SI: variants seen among roughly 807,000 people sequenced by gnomAD.
The protein encoded by SI is sucrase-isomaltase, intestinal.
SI carries 235 observed loss-of-function variants against 253.3 expected under a neutral mutation model. The ratio of observed to expected loss-of-function variants is 0.93; its 90% CI spans 0.83 to 1.03. The LOEUF is 1.03. SI is among the 50% of genes least tolerant of loss of function. SI has a pLI of 0.00. For synonymous variants in SI, 819 were observed against 712.0 expected (o/e 1.15, Z -2.39); for missense variants, 2,442 against 2,211.1 (o/e 1.10, Z -2.09).
At chr3:165,012,942 T>C in intron 34 of SI, 38 bp downstream of exon 34, 1 of 1,285,396 alleles carries the variant, frequency 7.8e-7, no homozygotes. Flanking sequence ...AAGTTTTGAA[T>C]TTCTTCTCAT....
At chr3:165,063,368 G>A (rs549746116) in intron 8 of SI, 74 bp downstream of exon 8, 2 of 721,690 alleles carry the variant, frequency 2.8e-6, no homozygotes, top group Non-Finnish European at 5.0e-6. Context: ...CAATATGAAT[G>A]ATTGAAATAA....
the SI span, among the ~76,000 whole-genome samples, chr3:165,084,132 T>C: frequency 6.6e-6 from 1 of 152,048 alleles, no homozygotes; most frequent in Non-Finnish European, 1.5e-5. Flanking sequence ...AGTGCTTTTC[T>C]ATAAAAAAGG....
At chr3:165,077,607 C>T (rs1715085460) in intron 1 of SI, among the ~76,000 whole-genome samples, 1 of 151,540 alleles carries the variant, frequency 6.6e-6, no homozygotes, top group South Asian at 2.1e-4. Context: ...CAACAGGTAA[C>T]ATACAAAGCT....
intron 26 of SI, among the ~76,000 whole-genome samples, chr3:165,021,765 C>T (rs961035066): frequency 6.6e-6 from 1 of 151,384 alleles, no homozygotes; most frequent in South Asian, 2.1e-4. Flanking sequence ...AACCCTAATG[C>T]TAATTTATGT....
chr3:164,995,114 G>T (rs990456308), intron 40 of SI, among the ~76,000 whole-genome samples: 1 of 151,712 alleles, frequency 6.6e-6, no homozygotes. Flanking sequence ...CACAAAGCTC[G>T]AGGTAACATT....
chr3:165,083,763 C>A, the SI span, among the ~76,000 whole-genome samples: 3 of 151,684 alleles, frequency 2.0e-5, no homozygotes, highest in Non-Finnish European at 4.4e-5. Context: ...ATGTAACTTG[C>A]CAAGTATTTT....
intron 40 of SI, 58 bp from the exon 41 acceptor site, chr3:164,994,463 T>C (rs974519407): frequency 6.5e-7 from 1 of 1,546,428 alleles, no homozygotes; most frequent in Non-Finnish European, 8.9e-7. Flanking sequence ...AGTCATAATA[T>C]TCATATTCAT....
chr3:165,064,616 T>C (rs1190434222), intron 7 of SI, among the ~76,000 whole-genome samples: 1 of 152,006 alleles, frequency 6.6e-6, no homozygotes, highest in Non-Finnish European at 1.5e-5. Context: ...GCAACAAACA[T>C]AAAAACAAAC....
At chr3:164,985,146 A>G (rs1486158489) in intron 45 of SI, among the ~76,000 whole-genome samples, 1 of 152,284 alleles carries the variant, frequency 6.6e-6, no homozygotes, top group East Asian at 1.9e-4. Context: ...TGAATAGGGT[A>G]AAGTCCACAC....
intron 4 of SI, 35 bp downstream of exon 4, chr3:165,069,043 A>G (rs1243655590): frequency 1.5e-6 from 2 of 1,374,048 alleles, no homozygotes; most frequent in Non-Finnish European, 2.1e-6. Context: ...GTTAGAATAT[A>G]TCATATTGAA....
chr3:165,070,226 G>A (rs1329527742), intron 3 of SI, among the ~76,000 whole-genome samples: 1 of 140,138 alleles, frequency 7.1e-6, no homozygotes, highest in Non-Finnish European at 1.5e-5. Context: ...TGTTTATATA[G>A]AATAAAAATA....
rs763409274 is a variant in SI at position 165,062,475 on chromosome 3, T to A, written c.916A>T (p.Ile306Phe). ...TATGTTACTATTGGAGTAGGCTGGA[T>A]AAAAATCTCTGCAAAATAAAATTGG... ...LMNSNAMEIF[I>F]QPTPIVTYRV... is the part of the protein sequence containing the mutation. Residue 306 changes from isoleucine to phenylalanine, a missense_variant, in exon 9 of 48, where the codon ATC becomes TTC. Ile to Phe is a conservative substitution (Grantham distance 21). Coordinates refer to ENST00000264382, the MANE Select transcript of SI (RefSeq NM_001041.4). The A allele has an allele frequency of 1.2e-5, 19 of 1,560,912 alleles. No individual in the cohort carries two copies. The South Asian group carries it at 1.7e-4, about 14-fold the overall frequency.
intron 23 of SI, 28 bp from the exon 24 acceptor site, chr3:165,032,720 T>C: frequency 1.4e-6 from 2 of 1,459,934 alleles, no homozygotes; most frequent in Non-Finnish European, 9.5e-7. Context: ...AGATATTATA[T>C]ATTAGGTCAT....
At position 165,077,055 on chromosome 3, in the gene SI, C is replaced by T. The variant is rs1715039625; in HGVS notation, c.1-1043G>A. On this transcript the variant is annotated intron_variant, in intron 1 of 47. Coordinates refer to ENST00000264382, the MANE Select transcript of SI (RefSeq NM_001041.4). Reference sequence around the variant, plus strand: ...AACTCATGTACCCAGTTGTCCCAACCTAAACACCTTTTTTTCCTTCTTCCA... The same window carrying T: ...AACTCATGTACCCAGTTGTCCCAACTTAAACACCTTTTTTTCCTTCTTCCA... Among the ~76,000 whole-genome samples, 4 of 150,868 alleles carry T rather than the reference C, an allele frequency of 2.7e-5. No homozygotes were observed. The South Asian group carries it at 8.3e-4, about 31-fold the overall frequency.
intron 13 of SI, among the ~76,000 whole-genome samples, chr3:165,050,572 G>T (rs898194575): frequency 2.6e-5 from 4 of 151,936 alleles, no homozygotes; most frequent in African/African-American, 9.7e-5. Context: ...TTAAGTCTTT[G>T]CACTAAAAAA....
chr3:165,059,330 T>C (rs776570830), intron 10 of SI, 31 bp from the exon 11 acceptor site: 2 of 1,595,428 alleles, frequency 1.3e-6, no homozygotes, highest in East Asian at 2.2e-5. Flanking sequence ...TTTCAATACA[T>C]AGTACTGAAA....
In SI at chr3:164,992,135, G is replaced by A. The variant is rs371096262; in HGVS notation, c.4983+42C>T. 55 of 1,505,142 alleles carry A rather than the reference G, an allele frequency of 3.7e-5. No homozygotes were observed. In the African/African-American group the frequency reaches 5.0e-4, roughly 14 times the overall value. The allele number at this position is 1,505,142 out of a possible 1,614,324, so 93.2% of individuals were successfully genotyped here. A position where few individuals can be genotyped will look rare whatever the true frequency, so the allele number is the denominator to read the frequency against. On this transcript the variant is annotated intron_variant, in intron 43 of 47. Transcript: ENST00000264382. ...AAAGGCTAGGGCCAAACAATTACCC[G>A]TTTCTGTTTAGTTAATTCCCCAGAA...
Position 165,019,874 on chromosome 3 carries a change from A to AT in SI, c.3255-105dup, listed in dbSNP as rs1393959311. On this transcript the variant is annotated intron_variant, in intron 27 of 47. Transcript: ENST00000264382. ...CTTAGATTATCTAAAAATCAATATT[A>AT]TTTTCCATATTCCTAATTATACCCA... 2.9e-6 allele frequency: 3 copies of AT among 1,032,278 alleles called. No individual in the cohort carries two copies. The Admixed American group carries it at 5.9e-5, about 20-fold the overall frequency. 63.9% of individuals were successfully genotyped at this position (1,032,278 alleles called of 1,614,324 possible). A position where few individuals can be genotyped will look rare whatever the true frequency, so the allele number is the denominator to read the frequency against.
chr3:164,986,125 A>G (rs971182179), intron 45 of SI, among the ~76,000 whole-genome samples: 1 of 152,176 alleles, frequency 6.6e-6, no homozygotes, highest in Non-Finnish European at 1.5e-5. Context: ...TCCTTGTTGT[A>G]GAGGCACCAC....
Sources: allele counts gnomAD v4.1 joint callset (sites outside exome capture counted in the v4.1 genomes callset), GRCh38; gene constraint gnomAD v4.1.1; transcripts MANE v1.5; gene names NCBI Gene and HGNC (gene_info 2026-07-23, HGNC 2026-07-21).